NEGR1: variants seen among roughly 807,000 people sequenced by gnomAD.
NEGR1 encodes neuronal growth regulator 1.
In NEGR1, 10 loss-of-function variants were observed where a neutral mutation model predicts 40.9. The ratio of observed to expected loss-of-function variants is 0.24; its 90% CI spans 0.15 to 0.42. NEGR1 has a LOEUF of 0.42. Ranked by LOEUF, NEGR1 falls within the 10% of genes least tolerant of loss-of-function variation. NEGR1 has a pLI of 1.00. For missense variants in NEGR1, 352 were observed against 438.9 expected (o/e 0.80, Z 1.77); for synonymous variants, 185 against 166.8 (o/e 1.11, Z -0.84).
intron 2 of NEGR1, among the ~76,000 whole-genome samples, chr1:71,928,264 G>A (rs201456240): frequency 3.2e-4 from 2 of 6,162 alleles, no homozygotes; most frequent in Non-Finnish European, 6.9e-4. Context: ...ATGTATATAC[G>A]TATATATGTA....
intron 5 of NEGR1, among the ~76,000 whole-genome samples, chr1:71,595,490 G>A (rs974180792): frequency 5.3e-5 from 8 of 152,198 alleles, no homozygotes; most frequent in Non-Finnish European, 1.0e-4. Flanking sequence ...AGTGACTTCT[G>A]ATATGGTGTA....
intron 1 of NEGR1, among the ~76,000 whole-genome samples, chr1:72,200,410 C>T (rs918267632): frequency 6.6e-6 from 1 of 151,860 alleles, no homozygotes; most frequent in Non-Finnish European, 1.5e-5. Flanking sequence ...CAAACTAGGG[C>T]AGGAACAGGA....
intron 3 of NEGR1, among the ~76,000 whole-genome samples, chr1:71,730,877 CGTGTGTGTGTGTGTGTGTGTGTGTGT>C (rs59873481): frequency 1.5e-5 from 2 of 130,004 alleles, no homozygotes; most frequent in Non-Finnish European, 3.3e-5. Context: ...GTGAAGCATT[CGTGTGTGTGTGTGTGTGTGTGTGTGT>C]GTGTGTGTGT....
chr1:72,216,503 G>T (rs961761583), intron 1 of NEGR1, among the ~76,000 whole-genome samples: 19 of 149,286 alleles, frequency 1.3e-4, no homozygotes, highest in Non-Finnish European at 2.4e-4. Flanking sequence ...TTTTAAAGAT[G>T]TAATTATTAT....
chr1:72,072,672 C>T (rs892739625), intron 1 of NEGR1, among the ~76,000 whole-genome samples: 4 of 152,080 alleles, frequency 2.6e-5, no homozygotes, highest in African/African-American at 9.7e-5. Flanking sequence ...GATCTGGGCT[C>T]TCTGTGTAAC....
At chr1:71,947,190 C>A (rs1378044086) in intron 1 of NEGR1, among the ~76,000 whole-genome samples, 1 of 147,434 alleles carries the variant, frequency 6.8e-6, no homozygotes, top group Non-Finnish European at 1.5e-5. Flanking sequence ...ATATATAAAT[C>A]ATATATATAA....
At chr1:71,633,332 T>A (rs1651039331) in intron 4 of NEGR1, among the ~76,000 whole-genome samples, 2 of 152,088 alleles carry the variant, frequency 1.3e-5, no homozygotes, top group Non-Finnish European at 2.9e-5. Context: ...AGTCACAGAT[T>A]TAATGTTTAT....
chr1:72,078,408 G>C (rs954381305), intron 1 of NEGR1, among the ~76,000 whole-genome samples: 1 of 151,914 alleles, frequency 6.6e-6, no homozygotes, highest in African/African-American at 2.4e-5. Context: ...CTTTTGAAAA[G>C]CACATGCACA....
chr1:71,824,981 G>C (rs992726290), intron 2 of NEGR1, among the ~76,000 whole-genome samples: 2 of 151,768 alleles, frequency 1.3e-5, no homozygotes, highest in Admixed American at 1.3e-4. Context: ...ACAAGTTTTT[G>C]TGGATATGTT....
At chr1:71,744,074 T>C (rs1236623161) in intron 3 of NEGR1, among the ~76,000 whole-genome samples, 1 of 152,086 alleles carries the variant, frequency 6.6e-6, no homozygotes, top group Non-Finnish European at 1.5e-5. Flanking sequence ...TGTATTTTTA[T>C]ATCTGGGAAG....
chr1:71,575,789 A>G (rs1648946714), intron 6 of NEGR1, among the ~76,000 whole-genome samples: 1 of 105,300 alleles, frequency 9.5e-6, no homozygotes, highest in Non-Finnish European at 2.3e-5. Flanking sequence ...GCTCAAAACA[A>G]AAACAAAAAC....
intron 1 of NEGR1, among the ~76,000 whole-genome samples, chr1:71,996,488 T>C (rs1646505601): frequency 6.6e-6 from 1 of 152,148 alleles, no homozygotes; most frequent in East Asian, 1.9e-4. Flanking sequence ...TGACTTTACT[T>C]TCTATGCCAT....
intron 1 of NEGR1, among the ~76,000 whole-genome samples, chr1:72,109,547 C>G (rs184825484): frequency 3.3e-5 from 5 of 151,496 alleles, no homozygotes; most frequent in African/African-American, 1.2e-4. Context: ...TAATTGTTCT[C>G]CTGCAGATCC....
chr1:72,078,396 G>A (rs1647841345), intron 1 of NEGR1, among the ~76,000 whole-genome samples: 1 of 150,316 alleles, frequency 6.7e-6, no homozygotes, highest in Admixed American at 6.6e-5. Context: ...ATTCATACAT[G>A]GCTTTTGAAA....
At chr1:71,715,742 A>G (rs1056328573) in intron 3 of NEGR1, among the ~76,000 whole-genome samples, 1 of 152,230 alleles carries the variant, frequency 6.6e-6, no homozygotes, top group Non-Finnish European at 1.5e-5. Context: ...CCTCATCTAT[A>G]TCTGAGACCA....
At chr1:72,026,903 C>T (rs2100431133) in intron 1 of NEGR1, among the ~76,000 whole-genome samples, 1 of 151,816 alleles carries the variant, frequency 6.6e-6, no homozygotes, top group South Asian at 2.1e-4. Context: ...AGTCTTAAGA[C>T]TCATGTTTTT....
At chr1:71,975,378 T>C (rs1441414225) in intron 1 of NEGR1, among the ~76,000 whole-genome samples, 5 of 152,150 alleles carry the variant, frequency 3.3e-5, no homozygotes, top group African/African-American at 9.7e-5. Flanking sequence ...CTAAGGATAT[T>C]AAAAAATACT....
chr1:71,600,458 G>T (rs774750283), intron 5 of NEGR1, among the ~76,000 whole-genome samples: 3 of 152,262 alleles, frequency 2.0e-5, no homozygotes, highest in Non-Finnish European at 4.4e-5. Context: ...ATCTCGTTGT[G>T]GTAGCTTTCC....
At chr1:72,033,320 T>C (rs551034854) in intron 1 of NEGR1, among the ~76,000 whole-genome samples, 71 of 152,316 alleles carry the variant, frequency 4.7e-4, no homozygotes, top group Non-Finnish European at 8.5e-4. Flanking sequence ...GCTGAATATT[T>C]AGCAGTAATA....
Sources: gnomAD v4.1 joint callset for allele counts (sites outside exome capture counted in the v4.1 genomes callset) on GRCh38, gnomAD v4.1.1 for gene constraint, MANE v1.5 for transcripts, NCBI Gene and HGNC (gene_info 2026-07-23, HGNC 2026-07-21) for gene names.